NAALADL2: variants seen among roughly 807,000 people sequenced by gnomAD.
The protein encoded by NAALADL2 is N-acetylated alpha-linked acidic dipeptidase like 2, also known as inactive N-acetylated-alpha-linked acidic dipeptidase-like protein 2.
NAALADL2 carries 76 observed loss-of-function variants against 87.2 expected under a neutral mutation model. That is an observed-to-expected ratio of 0.87 (90% CI 0.72 to 1.05). The LOEUF is 1.05. Among genes scored for constraint, NAALADL2 ranks in the 50% least tolerant of loss-of-function variants. The probability of loss-of-function intolerance (pLI) is 0.00; values close to 1 mark genes in which losing one functional copy is unlikely to be tolerated. For missense variants in NAALADL2, 1,089 were observed against 945.8 expected, an observed-to-expected ratio of 1.15 and a Z score of -1.99; for synonymous variants, 354 against 331.0, an observed-to-expected ratio of 1.07 and a Z score of -0.75.
At chr3:175,383,250 C>A (rs1213916976) in intron 5 of NAALADL2, among the ~76,000 whole-genome samples, 1 of 151,850 alleles carries the variant, frequency 6.6e-6, no homozygotes, top group East Asian at 1.9e-4. Context: ...TATAGTCATC[C>A]CTATTGTGCT....
chr3:174,662,380 A>G (rs973796906), intron 2 of NAALADL2, among the ~76,000 whole-genome samples: 3 of 152,192 alleles, frequency 2.0e-5, no homozygotes, highest in Non-Finnish European at 2.9e-5. Flanking sequence ...ATGAGAACTC[A>G]TAGGGGAAAC....
Position 175,213,971 on chromosome 3 carries a change from C to T in NAALADL2, c.546-19960C>T, listed in dbSNP as rs150084547. 3.8e-3 allele frequency among the ~76,000 whole-genome samples: 579 copies of T among 152,188 alleles called. 7 individuals are homozygous for T. Among genetic ancestry groups the T allele is most frequent in the African/African-American group, 0.013 (545 of 41,542 alleles). On this transcript the variant is annotated intron_variant, in intron 2 of 13. Coordinates refer to ENST00000454872, the MANE Select transcript of NAALADL2 (RefSeq NM_207015.3). Reference sequence around the variant, plus strand: ...CCTATGATTAAACCAAAATGCAGTACTCCATAATGGTTTTGTTAAAGTAAC... The same window carrying T: ...CCTATGATTAAACCAAAATGCAGTATTCCATAATGGTTTTGTTAAAGTAAC...
At chr3:174,740,069 T>G (rs1217159307) in intron 3 of NAALADL2, among the ~76,000 whole-genome samples, 1 of 152,050 alleles carries the variant, frequency 6.6e-6, no homozygotes, top group Non-Finnish European at 1.5e-5. Context: ...CAGTGTGATT[T>G]AAGCATTTTC....
chr3:175,654,924 C>T (rs1428562804), intron 11 of NAALADL2, among the ~76,000 whole-genome samples: 1 of 150,028 alleles, frequency 6.7e-6, no homozygotes, highest in Non-Finnish European at 1.5e-5. Context: ...CAGAAAAGTG[C>T]AAGATATCTT....
intron 3 of NAALADL2, among the ~76,000 whole-genome samples, chr3:175,247,710 C>T (rs1177133611): frequency 1.3e-5 from 2 of 152,074 alleles, no homozygotes; most frequent in Non-Finnish European, 2.9e-5. Flanking sequence ...ATAATGACAG[C>T]AGAGCATTAA....
chr3:175,160,360 CTT>C (rs71164618), intron 2 of NAALADL2, among the ~76,000 whole-genome samples: 2 of 57,036 alleles, frequency 3.5e-5, no homozygotes, highest in Admixed American at 2.3e-4. Context: ...TCTTTTCTTT[CTT>C]TTTTTTTTTT....
chr3:174,524,751 T>C (rs973296196), intron 1 of NAALADL2, among the ~76,000 whole-genome samples: 22 of 150,826 alleles, frequency 1.5e-4, no homozygotes, highest in African/African-American at 5.3e-4. Flanking sequence ...TTTGTCGAGG[T>C]TGGGTCTCAC....
In NAALADL2 at chr3:175,354,406, T is replaced by C. The variant is rs368114449; in HGVS notation, c.1090+30081T>C. 4.5e-4 allele frequency among the ~76,000 whole-genome samples: 68 copies of C among 152,212 alleles called. No individual in the cohort carries two copies. In the South Asian group the frequency reaches 0.014, roughly 31 times the overall value. On this transcript the variant is annotated intron_variant, in intron 5 of 13. Transcript: ENST00000454872. ...TACAACTGATAGCATGAAGATAATA[T>C]TTAATAAAATCTTAATACTATTAGT...
intron 9 of NAALADL2, among the ~76,000 whole-genome samples, chr3:175,489,508 G>A (rs934266981): frequency 6.6e-6 from 1 of 152,160 alleles, no homozygotes; most frequent in Admixed American, 6.5e-5. Flanking sequence ...TAAGTTGTTA[G>A]CATATGAAAT....
chr3:174,572,777 A>G (rs1342821542), intron 2 of NAALADL2, among the ~76,000 whole-genome samples: 1 of 152,218 alleles, frequency 6.6e-6, no homozygotes, highest in African/African-American at 2.4e-5. Context: ...AAAGTGTAGG[A>G]CTAAATCTTT....
chr3:174,752,750 AAT>A (rs1457325091), intron 3 of NAALADL2, among the ~76,000 whole-genome samples: 1 of 152,092 alleles, frequency 6.6e-6, no homozygotes, highest in African/African-American at 2.4e-5. Context: ...AATACTTGAG[AAT>A]AGTAATTTCC....
chr3:174,948,221 G>C (rs990886696), intron 1 of NAALADL2, among the ~76,000 whole-genome samples: 1 of 151,728 alleles, frequency 6.6e-6, no homozygotes, highest in African/African-American at 2.4e-5. Context: ...CTGTCGCCCA[G>C]ACTGGAGTGC....
intron 2 of NAALADL2, chr3:175,124,347 T>C (rs1162797280): frequency 1.3e-5 from 2 of 151,980 alleles, no homozygotes; most frequent in Non-Finnish European, 2.9e-5. Context: ...ATTGATGATG[T>C]CACAAACCCA....
intron 3 of NAALADL2, among the ~76,000 whole-genome samples, chr3:174,829,694 G>A (rs980899786): frequency 1.4e-5 from 2 of 143,056 alleles, no homozygotes; most frequent in African/African-American, 5.4e-5. Context: ...TCGCCACACT[G>A]ACTTCCACAA....
intron 4 of NAALADL2, among the ~76,000 whole-genome samples, chr3:175,282,338 T>C (rs1022935433): frequency 6.6e-6 from 1 of 152,058 alleles, no homozygotes; most frequent in African/African-American, 2.4e-5. Flanking sequence ...AATTTTCAAT[T>C]CTTTGTCTGC....
intron 1 of NAALADL2, among the ~76,000 whole-genome samples, chr3:174,494,621 TAAAA>T (rs71162392): frequency 6.7e-6 from 1 of 148,340 alleles, no homozygotes; most frequent in Non-Finnish European, 1.5e-5. Context: ...CTTAAAGTAT[TAAAA>T]AAAAAAAAGA....
At position 175,393,441 on chromosome 3, in the gene NAALADL2, T is replaced by A. The variant is rs531474495; in HGVS notation, c.1091-53788T>A. On this transcript the variant is annotated intron_variant, in intron 5 of 13. Transcript: ENST00000454872. ...GATTATCTTTGAAATCATATTTTTT[T>A]AATTTTACTACTATGCAAATTTGTC... Among the ~76,000 whole-genome samples the A allele has an allele frequency of 1.1e-4, 16 of 152,216 alleles. No homozygotes were observed. In the South Asian group the frequency reaches 1.4e-3, roughly 14 times the overall value.
chr3:175,402,675 C>G (rs967933432), intron 5 of NAALADL2, among the ~76,000 whole-genome samples: 2 of 152,060 alleles, frequency 1.3e-5, no homozygotes, highest in African/African-American at 4.8e-5. Flanking sequence ...GCCATTCCCA[C>G]TATCTATGAA....
intron 2 of NAALADL2, among the ~76,000 whole-genome samples, chr3:175,112,948 A>G (rs1287082010): frequency 1.3e-5 from 2 of 151,666 alleles, no homozygotes; most frequent in African/African-American, 4.8e-5. Flanking sequence ...ATGAGACATG[A>G]CTTCAGGAAA....
Sources: allele counts gnomAD v4.1 joint callset (sites outside exome capture counted in the v4.1 genomes callset), GRCh38; gene constraint gnomAD v4.1.1; transcripts MANE v1.5; gene names NCBI Gene and HGNC (gene_info 2026-07-23, HGNC 2026-07-21).